AGBL1: variants seen among roughly 807,000 people sequenced by gnomAD.
The protein encoded by AGBL1 is cytosolic carboxypeptidase 4.
A neutral mutation model predicts 118.9 loss-of-function variants in AGBL1; 130 were observed. The observed-to-expected ratio is 1.09, with a 90% confidence interval of 0.95 to 1.26. AGBL1 has a LOEUF of 1.26. Among genes scored for constraint, AGBL1 ranks in the 50% most tolerant of loss-of-function variants. The pLI is 0.00. For missense variants in AGBL1, 1,584 were observed against 1,298.1 expected, an observed-to-expected ratio of 1.22 and a Z score of -3.38; for synonymous variants, 555 against 478.9, an observed-to-expected ratio of 1.16 and a Z score of -2.08.
At chr15:86,213,135 G>A (rs527608046) in intron 5 of AGBL1, among the ~76,000 whole-genome samples, 1 of 152,322 alleles carries the variant, frequency 6.6e-6, no homozygotes, top group South Asian at 2.1e-4. Flanking sequence ...GCAGACCTTA[G>A]TTAGGAAAGA....
intron 23 of AGBL1, among the ~76,000 whole-genome samples, chr15:86,944,933 T>A (rs2080800163): frequency 6.6e-6 from 1 of 152,180 alleles, no homozygotes; most frequent in African/African-American, 2.4e-5. Flanking sequence ...GTAAACTGGC[T>A]CTTTCCTGAG....
intron 22 of AGBL1, among the ~76,000 whole-genome samples, chr15:86,882,755 C>G (rs1459388541): frequency 2.0e-5 from 3 of 152,106 alleles, no homozygotes; most frequent in Non-Finnish European, 4.4e-5. Context: ...AACTAAACGA[C>G]AACTCACTGG....
chr15:86,750,545 AAC>A (rs2077834216), intron 22 of AGBL1, among the ~76,000 whole-genome samples: 1 of 151,960 alleles, frequency 6.6e-6, no homozygotes. Flanking sequence ...TCCTGGCAGG[AAC>A]ATTCATTGGC....
chr15:86,654,178 A>G (rs1055851729), intron 21 of AGBL1, among the ~76,000 whole-genome samples: 10 of 152,114 alleles, frequency 6.6e-5, no homozygotes, highest in African/African-American at 2.4e-4. Flanking sequence ...AAAAAGGGGT[A>G]GAAAAAGGGA....
chr15:86,317,473 G>A (rs950099113), intron 17 of AGBL1, among the ~76,000 whole-genome samples: 2 of 152,134 alleles, frequency 1.3e-5, no homozygotes, highest in African/African-American at 2.4e-5. Flanking sequence ...CAACACTTGC[G>A]AGCAATGTTT....
chr15:86,945,387 G>T (rs1245244795), intron 23 of AGBL1, among the ~76,000 whole-genome samples: 1 of 151,964 alleles, frequency 6.6e-6, no homozygotes, highest in Non-Finnish European at 1.5e-5. Flanking sequence ...TAAAAAACCA[G>T]CCGGGCACAG....
chr15:86,789,810 C>T (rs2078465619), intron 22 of AGBL1, among the ~76,000 whole-genome samples: 1 of 152,156 alleles, frequency 6.6e-6, no homozygotes, highest in South Asian at 2.1e-4. Flanking sequence ...AGATATCTCA[C>T]CCTTGCCTGG....
intron 18 of AGBL1, among the ~76,000 whole-genome samples, chr15:86,493,058 G>C (rs951416862): frequency 6.6e-6 from 1 of 152,132 alleles, no homozygotes; most frequent in Non-Finnish European, 1.5e-5. Context: ...GCTGGGCATG[G>C]TGGTGCACAC....
At chr15:86,391,050 C>G (rs1240075074) in intron 17 of AGBL1, among the ~76,000 whole-genome samples, 2 of 149,946 alleles carry the variant, frequency 1.3e-5, no homozygotes, top group Admixed American at 1.3e-4. Flanking sequence ...CGGTGGTTGC[C>G]AGAGGCTAGG....
intron 22 of AGBL1, among the ~76,000 whole-genome samples, chr15:86,686,442 GTT>G (rs368842116): frequency 1.7e-4 from 21 of 127,114 alleles, no homozygotes; most frequent in South Asian, 5.2e-4. Flanking sequence ...CATATTCTAA[GTT>G]TTTTTTTTTT....
chr15:86,553,256 G>T (rs1393006607), intron 20 of AGBL1, among the ~76,000 whole-genome samples: 1 of 152,096 alleles, frequency 6.6e-6, no homozygotes, highest in Non-Finnish European at 1.5e-5. Context: ...GGGACTAATC[G>T]CAGTATTTCT....
At chr15:86,542,457 C>T (rs913365428) in intron 19 of AGBL1, among the ~76,000 whole-genome samples, 1 of 150,908 alleles carries the variant, frequency 6.6e-6, no homozygotes, top group Non-Finnish European at 1.5e-5. Flanking sequence ...ACCTCCACCT[C>T]CCAGGTTCAA....
chr15:86,558,984 T>A (rs2083775893), intron 21 of AGBL1, among the ~76,000 whole-genome samples: 1 of 152,220 alleles, frequency 6.6e-6, no homozygotes, highest in Non-Finnish European at 1.5e-5. Context: ...TGTTATGTTC[T>A]CTCTAAAGGC....
chr15:86,269,831 CAGAA>C, intron 13 of AGBL1, 84 bp from the exon 14 acceptor site: 1 of 1,456,092 alleles, frequency 6.9e-7, no homozygotes, highest in Non-Finnish European at 9.3e-7. Context: ...ATCTGTAACC[CAGAA>C]ACTGAAACGT....
chr15:86,384,219 T>G (rs2082246), intron 17 of AGBL1, among the ~76,000 whole-genome samples: 1 of 152,156 alleles, frequency 6.6e-6, no homozygotes, highest in East Asian at 1.9e-4. Context: ...GGAGCTTTCA[T>G]GAGAACTCCT....
chr15:86,276,488 A>G (rs1361934770), intron 15 of AGBL1, among the ~76,000 whole-genome samples: 4 of 152,178 alleles, frequency 2.6e-5, no homozygotes, highest in Non-Finnish European at 5.9e-5. Context: ...CAACCTAATT[A>G]TTACTCCTGG....
chr15:86,728,116 C>T (rs1207941750), intron 22 of AGBL1, among the ~76,000 whole-genome samples: 7 of 152,174 alleles, frequency 4.6e-5, no homozygotes, highest in African/African-American at 1.7e-4. Flanking sequence ...GAATCCTCAG[C>T]CTGGCAAAGG....
At chr15:86,493,219 A>C (rs2082806147) in intron 18 of AGBL1, among the ~76,000 whole-genome samples, 1 of 151,650 alleles carries the variant, frequency 6.6e-6, no homozygotes, top group African/African-American at 2.4e-5. Flanking sequence ...ACAAACAAAA[A>C]CACATACAAA....
chr15:86,883,843 A>C (rs2079931033), intron 22 of AGBL1, among the ~76,000 whole-genome samples: 1 of 152,164 alleles, frequency 6.6e-6, no homozygotes, highest in Non-Finnish European at 1.5e-5. Context: ...ATTTTAGTGC[A>C]TTTAGGATTT....
Sources: allele counts gnomAD v4.1 joint callset (sites outside exome capture counted in the v4.1 genomes callset), GRCh38; gene constraint gnomAD v4.1.1; transcripts MANE v1.5; gene names NCBI Gene and HGNC (gene_info 2026-07-23, HGNC 2026-07-21).